Variants in DYSF observed in about 807,000 individuals in gnomAD.
The protein encoded by DYSF is dystrophy-associated fer-1-like 1.
A neutral mutation model predicts 274.9 loss-of-function variants in DYSF; 212 were observed. The ratio of observed to expected loss-of-function variants is 0.77; its 90% CI spans 0.69 to 0.86. The LOEUF (loss-of-function observed/expected upper bound fraction) is 0.86. Among genes scored for constraint, DYSF ranks in the 40% least tolerant of loss-of-function variants. The pLI is 0.00. For missense variants in DYSF, 2,666 were observed against 2,783.2 expected, an observed-to-expected ratio of 0.96 and a Z score of 0.95; for synonymous variants, 1,091 against 1,078.7, an observed-to-expected ratio of 1.01 and a Z score of -0.22.
intron 3 of DYSF, among the ~76,000 whole-genome samples, chr2:71,490,845 T>G (rs1337525114): frequency 6.6e-6 from 1 of 152,244 alleles, no homozygotes; most frequent in African/African-American, 2.4e-5. Context: ...TTTACCCCAC[T>G]GTACTCTCAT....
intron 3 of DYSF, among the ~76,000 whole-genome samples, chr2:71,486,954 C>T (rs1573450137): frequency 6.6e-6 from 1 of 152,176 alleles, no homozygotes; most frequent in East Asian, 1.9e-4. Context: ...CCCAGAAGTT[C>T]CCAATTCAGG....
intron 47 of DYSF, 24 bp from the exon 48 acceptor site, chr2:71,667,351 CT>C (rs1362296843): frequency 6.2e-7 from 1 of 1,613,824 alleles, no homozygotes; most frequent in Non-Finnish European, 8.5e-7. Context: ...GCTCCTGCAA[CT>C]TTTTTGTCTT....
At position 71,569,910 on chromosome 2, in the gene DYSF, CA is replaced by C; in HGVS notation, c.2956del (p.Met986Ter). 1 of 1,614,140 alleles carries C rather than the reference CA, an allele frequency of 6.2e-7. No homozygotes were observed. Among genetic ancestry groups the C allele is most frequent in the Non-Finnish European group, 8.5e-7 (1 of 1,180,018 alleles). On this transcript the variant is annotated frameshift_variant, in exon 27 of 56. Coordinates refer to ENST00000410020, the MANE Select transcript of DYSF (RefSeq NM_001130987.2). LOFTEE classifies it high-confidence loss of function. Reference protein sequence around the residue: ...TRLPGGQWIYMSDNYTDVNGE... With the variant: ...TRLPGGQWIYXSDNYTDVNGE... The stretch of plus-strand genomic sequence containing the variant: ...GGCTTCCCGGAGGCCAGTGGATCTA[CA>C]TGAGTGACAACTACACCGATGTGGT...
At chr2:71,655,285 T>A (rs1231485325) in intron 42 of DYSF, among the ~76,000 whole-genome samples, 1 of 152,216 alleles carries the variant, frequency 6.6e-6, no homozygotes, top group Admixed American at 6.5e-5. Context: ...TATATTTTTC[T>A]AAATTTTAAT....
chr2:71,621,621 G>A (rs1398890865), intron 41 of DYSF, among the ~76,000 whole-genome samples: 2 of 150,374 alleles, frequency 1.3e-5, no homozygotes, highest in Middle Eastern at 3.6e-3. Flanking sequence ...ATTTGTATGT[G>A]TGTATATATA....
chr2:71,570,071 A>T, intron 27 of DYSF, 137 bp downstream of exon 27: 1 of 1,088,372 alleles, frequency 9.2e-7, no homozygotes, highest in Non-Finnish European at 1.4e-6. Flanking sequence ...TTCCAAAGGG[A>T]AAGTGTGGGG....
At chr2:71,586,916 G>A (rs2093086749) in intron 30 of DYSF, among the ~76,000 whole-genome samples, 1 of 152,150 alleles carries the variant, frequency 6.6e-6, no homozygotes, top group Non-Finnish European at 1.5e-5. Flanking sequence ...CATCCCACCT[G>A]CCTGCAGCTG....
At chr2:71,525,472 C>T (rs1242098792) in intron 12 of DYSF, among the ~76,000 whole-genome samples, 1 of 152,190 alleles carries the variant, frequency 6.6e-6, no homozygotes, top group African/African-American at 2.4e-5. Context: ...GATCCGCCTG[C>T]CTCGGCCTCC....
intron 16 of DYSF, among the ~76,000 whole-genome samples, chr2:71,537,443 A>C (rs1050085958): frequency 1.3e-5 from 2 of 151,968 alleles, no homozygotes. Context: ...ACGGGGCTTC[A>C]TCATGTTGGC....
intron 13 of DYSF, 65 bp downstream of exon 13, chr2:71,526,411 T>TGGGGGGGGGGGGGGGGGGGGGGGG: frequency 2.6e-5 from 8 of 306,908 alleles, no homozygotes; most frequent in East Asian, 2.1e-4. Flanking sequence ...CTGGTGGGGG[T>TGGGGGGGGGGGGGGGGGGGGGGGG]GGGCGATGGC....
At chr2:71,663,492 G>C (rs2094938500) in intron 45 of DYSF, among the ~76,000 whole-genome samples, 1 of 152,196 alleles carries the variant, frequency 6.6e-6, no homozygotes, top group Non-Finnish European at 1.5e-5. Flanking sequence ...TCCTTGCCCA[G>C]GCATGGGCCA....
chr2:71,509,117 A>G (rs10153838), intron 4 of DYSF, among the ~76,000 whole-genome samples: 3,165 of 152,196 alleles, frequency 0.021, 102 homozygotes, highest in African/African-American at 0.068. Flanking sequence ...CGGCCTCCCA[A>G]AGTGCTGGGA....
intron 41 of DYSF, among the ~76,000 whole-genome samples, chr2:71,638,780 C>G (rs1269964514): frequency 6.6e-6 from 1 of 152,132 alleles, no homozygotes; most frequent in Non-Finnish European, 1.5e-5. Flanking sequence ...ATGAATAATG[C>G]TGCTTTGAAC....
chr2:71,578,732 T>C (rs2092793159), intron 30 of DYSF, among the ~76,000 whole-genome samples: 1 of 152,120 alleles, frequency 6.6e-6, no homozygotes, highest in African/African-American at 2.4e-5. Flanking sequence ...TCCTGCCACC[T>C]TTTCCCTGAC....
At chr2:71,515,534 T>A in intron 7 of DYSF, 89 bp from the exon 8 acceptor site, 2 of 1,577,814 alleles carry the variant, frequency 1.3e-6, no homozygotes, top group Non-Finnish European at 1.7e-6. Context: ...GGTGAGATGG[T>A]CCCTGAGATT....
At position 71,568,009 on chromosome 2, in the gene DYSF, G is replaced by A. The variant is rs2152811000; in HGVS notation, c.2624G>A (p.Trp875Ter). Residue 875 changes from tryptophan (W) to a stop codon, truncating the protein, a stop_gained, in exon 25 of 56, where the codon TGG becomes TAG. Coordinates refer to ENST00000410020, the MANE Select transcript of DYSF (RefSeq NM_001130987.2). LOFTEE classifies it high-confidence loss of function. ...RMPVQIRVKL[W>*]FGLSVDEKEF... ...CCAGTGCAGATACGGGTCAAGCTGT[G>A]GTTTGGGCTCTCAGTGGATGAGAAG... 6.2e-7 allele frequency: 1 copy of A among 1,614,150 alleles called. No individual in the cohort carries two copies. The highest frequency in any genetic ancestry group is 8.5e-7 in the Non-Finnish European group (1 of 1,180,024).
chr2:71,493,982 A>T (rs531616341), intron 3 of DYSF, among the ~76,000 whole-genome samples: 1 of 152,052 alleles, frequency 6.6e-6, no homozygotes, highest in Non-Finnish European at 1.5e-5. Context: ...TACAAGGGTG[A>T]TTCTGGTCCA....
chr2:71,638,158 A>C (rs1035921302), intron 41 of DYSF, among the ~76,000 whole-genome samples: 2 of 152,096 alleles, frequency 1.3e-5, no homozygotes, highest in Non-Finnish European at 2.9e-5. Context: ...AGAAAGAAAC[A>C]CTTGAGATTC....
intron 11 of DYSF, 139 bp from the exon 12 acceptor site, chr2:71,520,650 C>G: frequency 2.7e-6 from 2 of 753,472 alleles, no homozygotes; most frequent in East Asian, 5.0e-5. Context: ...CCTTTTGATT[C>G]TAGAATCTGA....
Sources: gnomAD v4.1 joint callset for allele counts (sites outside exome capture counted in the v4.1 genomes callset) on GRCh38, gnomAD v4.1.1 for gene constraint, MANE v1.5 for transcripts, NCBI Gene and HGNC (gene_info 2026-07-23, HGNC 2026-07-21) for gene names.